AKAP19: variants seen among roughly 807,000 people sequenced by gnomAD.
AKAP19 encodes small A-kinase anchoring protein.
At chr2:190,104,288 A>G in the AKAP19 span, among the ~76,000 whole-genome samples, 12 of 152,190 alleles carry the variant, frequency 7.9e-5, no homozygotes, top group South Asian at 4.1e-4. Context: ...GAAAGAATTT[A>G]TAACTCAGTC....
the AKAP19 span, among the ~76,000 whole-genome samples, chr2:190,185,976 A>G: frequency 3.9e-5 from 6 of 152,140 alleles, no homozygotes; most frequent in African/African-American, 1.4e-4. Flanking sequence ...TTTGAGACAG[A>G]GTCTTCACTC....
At chr2:190,082,698 G>C in the AKAP19 span, among the ~76,000 whole-genome samples, 5 of 152,094 alleles carry the variant, frequency 3.3e-5, no homozygotes, top group Non-Finnish European at 7.4e-5. Flanking sequence ...TTTAAAATAG[G>C]AATTATTCTA....
chr2:190,116,765 A>G, the AKAP19 span, among the ~76,000 whole-genome samples: 1 of 152,142 alleles, frequency 6.6e-6, no homozygotes, highest in African/African-American at 2.4e-5. Context: ...TTAGTTTCCC[A>G]TCTGGCCCAG....
At chr2:190,028,850 G>A in the AKAP19 span, among the ~76,000 whole-genome samples, 2 of 152,028 alleles carry the variant, frequency 1.3e-5, no homozygotes, top group Non-Finnish European at 2.9e-5. Context: ...TTATCTTCAG[G>A]ATTGGCAAAG....
chr2:190,180,495 TGCGA>T, the AKAP19 span: 1 of 985,570 alleles, frequency 1.0e-6, no homozygotes, highest in Non-Finnish European at 1.2e-6. This position sits in a 1 kb window ranked among gnomAD's most constrained non-coding sequence, Gnocchi z 6.8. Flanking sequence ...CATTGACCTC[TGCGA>T]TGCCTCGCTG....
the AKAP19 span, among the ~76,000 whole-genome samples, chr2:189,949,325 G>A: frequency 4.4e-3 from 666 of 152,062 alleles, 6 homozygotes; most frequent in African/African-American, 0.015. Context: ...AGGCCAAGGC[G>A]AGTGGATCAC....
At chr2:189,973,561 A>G in the AKAP19 span, among the ~76,000 whole-genome samples, 4 of 152,128 alleles carry the variant, frequency 2.6e-5, no homozygotes, top group African/African-American at 9.7e-5. Context: ...AAGGAGTGGT[A>G]CCAGTTCCTC....
the AKAP19 span, among the ~76,000 whole-genome samples, chr2:189,920,284 T>G: frequency 6.6e-6 from 1 of 152,244 alleles, no homozygotes; most frequent in Non-Finnish European, 1.5e-5. Flanking sequence ...TCTACACTTT[T>G]CTTGCACTAT....
At chr2:190,044,049 G>C in the AKAP19 span, among the ~76,000 whole-genome samples, 1 of 152,214 alleles carries the variant, frequency 6.6e-6, no homozygotes, top group Non-Finnish European at 1.5e-5. Flanking sequence ...CTGCTTACTT[G>C]TGTGGCTCCC....
the AKAP19 span, among the ~76,000 whole-genome samples, chr2:189,947,995 G>A: frequency 2.0e-5 from 3 of 152,228 alleles, no homozygotes; most frequent in African/African-American, 7.2e-5. Context: ...GGCTATGCCA[G>A]TCTAACTTGG....
At chr2:190,098,036 C>T in the AKAP19 span, among the ~76,000 whole-genome samples, 14 of 152,150 alleles carry the variant, frequency 9.2e-5, no homozygotes, top group South Asian at 4.2e-4. Context: ...TCTTAAACCC[C>T]CCAAAGTCAT....
chr2:190,143,214 T>C, the AKAP19 span, among the ~76,000 whole-genome samples: 10 of 150,440 alleles, frequency 6.6e-5, no homozygotes, highest in Non-Finnish European at 1.0e-4. Flanking sequence ...CATGTGTAAC[T>C]GCTGCCTGGA....
At chr2:189,885,664 G>A in the AKAP19 span, among the ~76,000 whole-genome samples, 1 of 152,090 alleles carries the variant, frequency 6.6e-6, no homozygotes, top group Non-Finnish European at 1.5e-5. Context: ...TTACTGAAAG[G>A]CCTTTTTGGT....
the AKAP19 span, among the ~76,000 whole-genome samples, chr2:190,097,897 GAAAAAGAA>G: frequency 3.7e-5 from 5 of 133,992 alleles, no homozygotes; most frequent in Non-Finnish European, 8.2e-5. Flanking sequence ...GAAAAGAAAA[GAAAAAGAA>G]AAAAAGAAAG....
the AKAP19 span, among the ~76,000 whole-genome samples, chr2:190,142,738 C>T: frequency 6.6e-6 from 1 of 152,182 alleles, no homozygotes; most frequent in South Asian, 2.1e-4. Context: ...GCTGGTGGGA[C>T]CTTGACTGCA....
chr2:189,955,543 T>G, the AKAP19 span, among the ~76,000 whole-genome samples: 1 of 152,222 alleles, frequency 6.6e-6, no homozygotes, highest in African/African-American at 2.4e-5. Context: ...ATCTCCATAC[T>G]GTTTTCCATA....
chr2:190,054,149 T>C, the AKAP19 span, among the ~76,000 whole-genome samples: 1 of 152,086 alleles, frequency 6.6e-6, no homozygotes, highest in South Asian at 2.1e-4. Context: ...TCTAGGACCA[T>C]ATACCCTTGC....
the AKAP19 span, among the ~76,000 whole-genome samples, chr2:190,046,294 T>C: frequency 6.6e-6 from 1 of 152,138 alleles, no homozygotes; most frequent in Admixed American, 6.5e-5. Flanking sequence ...TTTTTTTACC[T>C]ATAAAATACG....
At chr2:190,017,321 TG>T in the AKAP19 span, among the ~76,000 whole-genome samples, 1 of 152,182 alleles carries the variant, frequency 6.6e-6, no homozygotes, top group East Asian at 1.9e-4. Context: ...TTTTGTAATT[TG>T]TCTTCTGGTT....
Sources: gnomAD v4.1 joint callset for allele counts (sites outside exome capture counted in the v4.1 genomes callset) on GRCh38, gnomAD v4.1.1 for gene constraint, Gnocchi (gnomAD v3.1) non-coding constraint, MANE v1.5 for transcripts, NCBI Gene and HGNC (gene_info 2026-07-23, HGNC 2026-07-21) for gene names.